The following CDK13 variants were observed in gnomAD, a reference collection of about 807,000 sequenced individuals.
The protein encoded by CDK13 is cyclin-dependent kinase 13.
In CDK13, 40 loss-of-function variants were observed where a neutral mutation model predicts 137.6. The ratio of observed to expected loss-of-function variants is 0.29; its 90% CI spans 0.23 to 0.38. CDK13 has a LOEUF of 0.38. Among genes scored for constraint, CDK13 ranks in the 10% least tolerant of loss-of-function variants. The pLI is 1.00. For missense variants in CDK13, 1,704 were observed against 1,951.8 expected (o/e 0.87, Z 2.39); for synonymous variants, 869 against 760.1 (o/e 1.14, Z -2.36).
intron 1 of CDK13, among the ~76,000 whole-genome samples, chr7:39,958,262 T>C (rs1048097590): frequency 6.6e-6 from 1 of 152,170 alleles, no homozygotes; most frequent in African/African-American, 2.4e-5. Flanking sequence ...TAGGGGCACT[T>C]TCACTGGGAT....
At chr7:40,030,917 C>T (rs1785365466) in intron 5 of CDK13, among the ~76,000 whole-genome samples, 1 of 152,136 alleles carries the variant, frequency 6.6e-6, no homozygotes, top group Non-Finnish European at 1.5e-5. Context: ...ACCATTCACC[C>T]ACTGAAGGAT....
At chr7:40,014,721 G>A (rs962677082) in intron 5 of CDK13, among the ~76,000 whole-genome samples, 1 of 152,148 alleles carries the variant, frequency 6.6e-6, no homozygotes, top group African/African-American at 2.4e-5. Flanking sequence ...CTCCCAAAAT[G>A]CTGGGATTAC....
At chr7:40,003,300 G>T (rs1277952702) in intron 5 of CDK13, among the ~76,000 whole-genome samples, 1 of 151,812 alleles carries the variant, frequency 6.6e-6, no homozygotes, top group Non-Finnish European at 1.5e-5. Flanking sequence ...GGAACTGTTT[G>T]AAAGTACAAT....
At chr7:39,982,244 T>C (rs1044738748) in intron 1 of CDK13, among the ~76,000 whole-genome samples, 32 of 148,976 alleles carry the variant, frequency 2.1e-4, no homozygotes, top group African/African-American at 7.4e-4. Flanking sequence ...CAATTCCCAC[T>C]TATGAGTGAG....
chr7:39,989,851 C>T (rs999999262), intron 2 of CDK13, among the ~76,000 whole-genome samples: 5 of 150,750 alleles, frequency 3.3e-5, no homozygotes, highest in South Asian at 2.1e-4. Context: ...GGCGCTCTCT[C>T]GGCTCACTGC....
chr7:39,981,853 A>G lies in CDK13; in HGVS notation c.1212-5746A>G, dbSNP rs1039244693. ...GTCACCCAGGCTGGAGTGCAGCGGC[A>G]CAATCTCGGCTCACTGCAAGCTCTG... On this transcript the variant is annotated intron_variant, in intron 1 of 13. Transcript: ENST00000181839. Among the ~76,000 whole-genome samples the G allele has an allele frequency of 6.1e-5, 9 of 148,066 alleles. No homozygotes were observed. In the South Asian group the frequency reaches 6.4e-4, roughly 11 times the overall value.
chr7:40,037,490 A>G (rs997345406), intron 5 of CDK13, among the ~76,000 whole-genome samples: 1 of 152,172 alleles, frequency 6.6e-6, no homozygotes, highest in Non-Finnish European at 1.5e-5. Context: ...AGGTTGAATG[A>G]TCTAAAAAAG....
intron 5 of CDK13, among the ~76,000 whole-genome samples, chr7:40,037,853 T>C (rs1408551969): frequency 1.3e-5 from 2 of 152,236 alleles, no homozygotes. Context: ...GTTTAAGATT[T>C]CTTAGTGATT....
At chr7:40,068,907 C>G (rs150951026) in intron 9 of CDK13, among the ~76,000 whole-genome samples, 2 of 152,064 alleles carry the variant, frequency 1.3e-5, no homozygotes, top group East Asian at 1.9e-4. Flanking sequence ...TATATTTCAG[C>G]ATGTTTTTAT....
Position 39,950,327 on chromosome 7 carries a change from G to A in CDK13, c.-315G>A. 1 of 1,138,852 alleles carries A rather than the reference G, an allele frequency of 8.8e-7. No individual in the cohort carries two copies. The highest frequency in any genetic ancestry group is 1.1e-6 in the Non-Finnish European group (1 of 928,890). The allele number at this position is 1,138,852 out of a possible 1,614,324, so 70.5% of individuals were successfully genotyped here. ...CCCCCACCCCCGGGGGCACTTGGAG[G>A]ACTCGGGACTCCCCCGCAGGTCAGC... On this transcript the variant is annotated 5_prime_UTR_variant, in exon 1 of 14. Coordinates refer to ENST00000181839, the MANE Select transcript of CDK13 (RefSeq NM_003718.5).
chr7:40,017,903 GCCTGTATGAAATT>G (rs570456087), intron 5 of CDK13, among the ~76,000 whole-genome samples: 177 of 150,928 alleles, frequency 1.2e-3, no homozygotes, highest in African/African-American at 3.9e-3. Context: ...GCCATCTTTA[GCCTGTATGAAATT>G]CCCACGTTCT....
intron 1 of CDK13, among the ~76,000 whole-genome samples, chr7:39,977,828 T>C (rs536332508): frequency 6.6e-6 from 1 of 152,004 alleles, no homozygotes; most frequent in African/African-American, 2.4e-5. Flanking sequence ...TGTGGAATAG[T>C]AGCTATGGGG....
At chr7:39,959,149 T>G (rs1787524213) in intron 1 of CDK13, among the ~76,000 whole-genome samples, 1 of 152,090 alleles carries the variant, frequency 6.6e-6, no homozygotes. Context: ...GTTTAATATA[T>G]TTTCATCTGT....
intron 7 of CDK13, among the ~76,000 whole-genome samples, chr7:40,053,433 C>CAGAAAA (rs1785937692): frequency 6.6e-6 from 1 of 152,190 alleles, no homozygotes; most frequent in Admixed American, 6.5e-5. Flanking sequence ...TGGTCTTTCT[C>CAGAAAA]CCTTATGGTC....
chr7:40,064,994 A>G (rs1786249746), intron 9 of CDK13, among the ~76,000 whole-genome samples: 4 of 73,950 alleles, frequency 5.4e-5, no homozygotes, highest in African/African-American at 5.4e-5. Context: ...TTTTTTTTGG[A>G]GACCGGCTTT....
intron 5 of CDK13, among the ~76,000 whole-genome samples, chr7:40,034,743 C>T (rs981228051): frequency 1.4e-4 from 22 of 152,214 alleles, no homozygotes; most frequent in African/African-American, 4.8e-4. Flanking sequence ...TTTGCCCAAA[C>T]ATAGCAGTGT....
intron 5 of CDK13, among the ~76,000 whole-genome samples, chr7:40,004,990 C>G (rs1167258316): frequency 1.3e-5 from 2 of 152,056 alleles, no homozygotes; most frequent in Non-Finnish European, 2.9e-5. Flanking sequence ...GCCTGGCCAA[C>G]ATGGTGAAAC....
rs529568673 is a variant in CDK13 at position 40,082,874 on chromosome 7, G to T, written c.3029+4023G>T. On this transcript the variant is annotated intron_variant, in intron 11 of 13. Transcript: ENST00000181839. ...CCAGCACTTTGAGAGGCCAAGGCAG[G>T]TGGATCCCTTGAGCCCATGAGTTTG... Among the ~76,000 whole-genome samples the T allele has an allele frequency of 6.6e-5, 10 of 151,688 alleles. 1 individual carries two copies. In the South Asian group the frequency reaches 1.7e-3, roughly 25 times the overall value.
intron 5 of CDK13, among the ~76,000 whole-genome samples, chr7:40,020,287 C>G (rs1785085780): frequency 6.6e-6 from 1 of 152,042 alleles, no homozygotes; most frequent in Non-Finnish European, 1.5e-5. Context: ...AAACTGGTCT[C>G]CAACTCCTAG....
Sources: allele counts gnomAD v4.1 joint callset (sites outside exome capture counted in the v4.1 genomes callset), GRCh38; gene constraint gnomAD v4.1.1; transcripts MANE v1.5; gene names NCBI Gene and HGNC (gene_info 2026-07-23, HGNC 2026-07-21).